MEGF6: variants seen among roughly 807,000 people sequenced by gnomAD.
MEGF6 encodes the protein multiple EGF like domains 6.
In MEGF6, 184 loss-of-function variants were observed where a neutral mutation model predicts 207.1. The observed-to-expected ratio is 0.89, with a 90% CI of 0.79 to 1.00. The LOEUF is 1.00. Ranked by LOEUF, MEGF6 falls within the 50% of genes least tolerant of loss-of-function variation. The pLI is 0.00. For synonymous variants in MEGF6, 1,038 were observed against 910.0 expected, an observed-to-expected ratio of 1.14 and a Z score of -2.53; for missense variants, 2,282 against 2,202.9, an observed-to-expected ratio of 1.04 and a Z score of -0.72.
chr1:3,505,393 C>T (rs1328889524), intron 16 of MEGF6, 29 bp downstream of exon 16: 3 of 1,599,364 alleles, frequency 1.9e-6, no homozygotes, highest in East Asian at 4.5e-5. Flanking sequence ...CTGGCGCCCC[C>T]CGCCCCCAGA....
At chr1:3,524,351 C>T in intron 4 of MEGF6, 105 bp from the exon 5 acceptor site, 2 of 1,457,416 alleles carry the variant, frequency 1.4e-6, no homozygotes, top group Non-Finnish European at 1.9e-6. Context: ...CCCTCCCGTG[C>T]CTCGAGGGCA....
intron 36 of MEGF6, 119 bp from the exon 37 acceptor site, chr1:3,490,708 G>GTGGGTGGGGCCCACCCATCCTTCCC: frequency 8.4e-7 from 1 of 1,194,102 alleles, no homozygotes; most frequent in Non-Finnish European, 1.2e-6. Flanking sequence ...AGCCCAGCAG[G>GTGGGTGGGGCCCACCCATCCTTCCC]TGGGTGGGGC....
Position 3,560,836 on chromosome 1 carries a change from G to A in MEGF6, c.481+18989C>T, listed in dbSNP as rs758478571. The A allele has an allele frequency of 8.0e-5, 36 of 447,530 alleles. No homozygotes were observed. Among genetic ancestry groups the A allele is most frequent in the South Asian group, 4.9e-4 (31 of 62,918 alleles). 27.7% of individuals were successfully genotyped at this position (447,530 alleles called of 1,614,324 possible). A position where few individuals can be genotyped will look rare whatever the true frequency, so the allele number is the denominator to read the frequency against. The stretch of plus-strand genomic sequence containing the variant: ...CCAGGAACAGCCTCAGGCGTCGGCC[G>A]CGAGGGGGTTGCTGGGCTGGCTGGT... On this transcript the variant is annotated intron_variant, in intron 4 of 36. Coordinates refer to ENST00000356575, the MANE Select transcript of MEGF6 (RefSeq NM_001409.4). This position sits in a 1 kb window ranked among gnomAD's most constrained non-coding sequence, Gnocchi z 4.0.
intron 4 of MEGF6, among the ~76,000 whole-genome samples, chr1:3,538,708 G>C (rs954718017): frequency 7.5e-5 from 9 of 120,440 alleles, no homozygotes; most frequent in Non-Finnish European, 1.6e-4. Context: ...GTGTGTGTGT[G>C]TGTGTGTGTG....
intron 4 of MEGF6, among the ~76,000 whole-genome samples, chr1:3,552,343 C>T (rs984953164): frequency 3.3e-5 from 5 of 152,202 alleles, no homozygotes; most frequent in East Asian, 1.9e-4. Context: ...CCTGGGGCTG[C>T]GCCTGATGCC....
At chr1:3,499,301 G>A (rs774880131) in intron 23 of MEGF6, 35 bp from the exon 24 acceptor site, 5 of 1,579,350 alleles carry the variant, frequency 3.2e-6, no homozygotes, top group Admixed American at 1.8e-5. Flanking sequence ...AGCCAGGGGT[G>A]GGCAGGACCC....
intron 3 of MEGF6, 77 bp from the exon 4 acceptor site, chr1:3,580,006 C>T (rs574162446): frequency 5.0e-5 from 55 of 1,100,996 alleles, no homozygotes; most frequent in African/African-American, 3.7e-4. Flanking sequence ...GAGGGTCTCT[C>T]GGGCAGGCAG....
chr1:3,490,630 G>A lies in MEGF6; in HGVS notation c.4565-41C>T, dbSNP rs541175107. The stretch of plus-strand genomic sequence containing the variant: ...AAAGAGGGCCAGTCCAGGGTGGGGC[G>A]GGTGCTCCCAGAACAGACTGGGTTC... On this transcript the variant is annotated intron_variant, in intron 36 of 36. Transcript: ENST00000356575. The A allele has an allele frequency of 3.3e-4, 526 of 1,602,780 alleles. 1 individual carries two copies. Among genetic ancestry groups the A allele is most frequent in the Admixed American group, 8.0e-4 (47 of 58,576 alleles).
intron 5 of MEGF6, among the ~76,000 whole-genome samples, chr1:3,518,171 G>T (rs578058248): frequency 6.6e-6 from 1 of 152,234 alleles, no homozygotes; most frequent in Admixed American, 6.5e-5. Flanking sequence ...TGTATTTGGA[G>T]ATAGGGTCTC....
At position 3,499,581 on chromosome 1, in the gene MEGF6, C is replaced by T; in HGVS notation, c.2965+7G>A. On this transcript the variant is annotated splice_region_variant and intron_variant, in intron 23 of 36. Transcript: ENST00000356575. ...AGCACCCCGGGCTGAGCAGGGACCT[C>T]ACGCACTCTCGGCACAGCGGGGGCC... is the stretch of plus-strand genomic sequence containing the variant. 6.4e-7 allele frequency: 1 copy of T among 1,573,336 alleles called. No individual in the cohort carries two copies. Among genetic ancestry groups the T allele is most frequent in the South Asian group, 1.2e-5 (1 of 86,106 alleles).
At chr1:3,534,616 C>G (rs1642272151) in intron 4 of MEGF6, among the ~76,000 whole-genome samples, 1 of 152,154 alleles carries the variant, frequency 6.6e-6, no homozygotes, top group Admixed American at 6.5e-5. Context: ...CTGACCATGC[C>G]CCTTCCCGGC....
intron 4 of MEGF6, among the ~76,000 whole-genome samples, chr1:3,567,575 C>T (rs1237405839): frequency 6.6e-6 from 1 of 152,232 alleles, no homozygotes; most frequent in Non-Finnish European, 1.5e-5. Context: ...GCCAGCACCG[C>T]GCAGCCCTGC....
chr1:3,565,294 C>T lies in MEGF6; in HGVS notation c.481+14531G>A, dbSNP rs185287007. On this transcript the variant is annotated intron_variant, in intron 4 of 36. Coordinates refer to ENST00000356575, the MANE Select transcript of MEGF6 (RefSeq NM_001409.4). This position sits in a 1 kb window ranked among gnomAD's most constrained non-coding sequence, Gnocchi z 4.8. ...TGGCATCAGCAGTGGGTGAGAAACA[C>T]ACGTGCAGAGCCCATCCCCAGACCC... Among the ~76,000 whole-genome samples, 1 of 150,426 alleles carries T rather than the reference C, an allele frequency of 6.6e-6. No homozygotes were observed.
chr1:3,522,474 G>A (rs1372396818), intron 5 of MEGF6, among the ~76,000 whole-genome samples: 2 of 152,148 alleles, frequency 1.3e-5, no homozygotes, highest in Non-Finnish European at 2.9e-5. Context: ...TTTAAAATGG[G>A]CGAGCACCGC....
intron 2 of MEGF6, among the ~76,000 whole-genome samples, chr1:3,598,913 G>C (rs377687989): frequency 1.3e-5 from 2 of 151,298 alleles, no homozygotes; most frequent in Admixed American, 6.6e-5. Flanking sequence ...AAGGGCCCCC[G>C]GCCGGGTTTG....
upstream of MEGF6, among the ~76,000 whole-genome samples, chr1:3,614,379 G>C (rs1301957149): frequency 6.6e-6 from 1 of 152,196 alleles, no homozygotes; most frequent in Non-Finnish European, 1.5e-5. Flanking sequence ...CTTGATACAT[G>C]AAAAAAGGCA....
At chr1:3,517,809 T>G (rs1641603460) in intron 5 of MEGF6, among the ~76,000 whole-genome samples, 1 of 152,252 alleles carries the variant, frequency 6.6e-6, no homozygotes, top group African/African-American at 2.4e-5. Flanking sequence ...CCTCCCTGTC[T>G]GTGCTCCACA....
At chr1:3,588,516 ATAGGAGTGGC>A (rs1219497394) in intron 3 of MEGF6, among the ~76,000 whole-genome samples, 25 of 36,602 alleles carry the variant, frequency 6.8e-4, no homozygotes, top group African/African-American at 1.8e-3. Context: ...GCAGGAGGGG[ATAGGAGTGGC>A]CAGGAGTGGC....
At chr1:3,609,583 G>A (rs142313095) in intron 1 of MEGF6, among the ~76,000 whole-genome samples, 2,341 of 152,366 alleles carry the variant, frequency 0.015, 34 homozygotes, top group Middle Eastern at 0.037. Context: ...CCCAGGAGAA[G>A]AGCAGGATGT....
Sources: gnomAD v4.1 joint callset for allele counts (sites outside exome capture counted in the v4.1 genomes callset) on GRCh38, gnomAD v4.1.1 for gene constraint, Gnocchi (gnomAD v3.1) non-coding constraint, MANE v1.5 for transcripts, NCBI Gene and HGNC (gene_info 2026-07-23, HGNC 2026-07-21) for gene names.